DLG2: variants seen among roughly 807,000 people sequenced by gnomAD.
DLG2 encodes discs large MAGUK scaffold protein 2, also known as disks large homolog 2.
Under a neutral mutation model 132.5 loss-of-function variants are expected in DLG2, and 45 were observed. The ratio of observed to expected loss-of-function variants is 0.34; its 90% confidence interval spans 0.27 to 0.44. DLG2 has a LOEUF of 0.44. DLG2 is among the 20% of genes least tolerant of loss of function. The pLI, the probability that DLG2 is intolerant of heterozygous loss-of-function variation, is 1.00. For synonymous variants in DLG2, 424 were observed against 419.6 expected (o/e 1.01, Z -0.13); for missense variants, 1,045 against 1,196.9 (o/e 0.87, Z 1.87).
chr11:83,864,873 A>G (rs188914067), intron 16 of DLG2, among the ~76,000 whole-genome samples: 1 of 152,274 alleles, frequency 6.6e-6, no homozygotes, highest in East Asian at 1.9e-4. Flanking sequence ...GATGAGTAAT[A>G]TAATGAAGGC....
intron 18 of DLG2, among the ~76,000 whole-genome samples, chr11:83,760,923 AC>A (rs2093879084): frequency 6.6e-6 from 1 of 152,104 alleles, no homozygotes; most frequent in African/African-American, 2.4e-5. Flanking sequence ...CTTATTTAAC[AC>A]CCTTTGAATG....
At chr11:83,997,950 G>C (rs1023665895) in intron 11 of DLG2, among the ~76,000 whole-genome samples, 2 of 151,350 alleles carry the variant, frequency 1.3e-5, no homozygotes, top group East Asian at 3.9e-4. Flanking sequence ...TGGCCAACAT[G>C]GTGAAACCCT....
At chr11:84,558,883 G>T (rs767383051) in intron 6 of DLG2, among the ~76,000 whole-genome samples, 6 of 152,096 alleles carry the variant, frequency 3.9e-5, no homozygotes, top group African/African-American at 7.2e-5. Flanking sequence ...CTCTTCCAAA[G>T]ACTTCAGGGT....
At chr11:85,551,266 T>G (rs2076648401) in intron 3 of DLG2, among the ~76,000 whole-genome samples, 2 of 152,154 alleles carry the variant, frequency 1.3e-5, no homozygotes. Context: ...AGCAGAATGG[T>G]TAAGCCATTA....
intron 7 of DLG2, among the ~76,000 whole-genome samples, chr11:84,421,646 A>C (rs2154465277): frequency 6.6e-6 from 1 of 152,292 alleles, no homozygotes; most frequent in East Asian, 1.9e-4. Context: ...CATCAGTGAC[A>C]CTGTTATTCC....
At chr11:84,033,052 G>C (rs1355823799) in intron 11 of DLG2, among the ~76,000 whole-genome samples, 1 of 152,180 alleles carries the variant, frequency 6.6e-6, no homozygotes, top group African/African-American at 2.4e-5. Context: ...CTCTTATGCA[G>C]ATGTGCAAAA....
At chr11:84,031,634 G>A (rs1030684146) in intron 11 of DLG2, among the ~76,000 whole-genome samples, 1 of 152,154 alleles carries the variant, frequency 6.6e-6, no homozygotes, top group Non-Finnish European at 1.5e-5. Flanking sequence ...GAATGGCAAC[G>A]ATCTAAACAT....
chr11:84,348,396 C>A (rs1022119201), intron 7 of DLG2, among the ~76,000 whole-genome samples: 2 of 152,134 alleles, frequency 1.3e-5, no homozygotes, highest in Admixed American at 6.5e-5. Context: ...TATTTGCTTT[C>A]AAGTCTATGT....
chr11:85,583,599 A>G (rs1379154571), intron 3 of DLG2, among the ~76,000 whole-genome samples: 1 of 152,192 alleles, frequency 6.6e-6, no homozygotes, highest in Non-Finnish European at 1.5e-5. Flanking sequence ...CTGATGTAAA[A>G]GTGAAATGTT....
chr11:84,966,256 A>C (rs1474229661), intron 6 of DLG2, among the ~76,000 whole-genome samples: 3 of 152,000 alleles, frequency 2.0e-5, no homozygotes, highest in African/African-American at 7.2e-5. Flanking sequence ...CAGTGTGTGC[A>C]TTACCAACAT....
At chr11:83,831,067 C>T (rs565947922) in intron 17 of DLG2, among the ~76,000 whole-genome samples, 3 of 152,210 alleles carry the variant, frequency 2.0e-5, no homozygotes, top group South Asian at 2.1e-4. Flanking sequence ...CTTTTTCATT[C>T]GATAAACACT....
At chr11:85,475,045 AATAAG>A (rs957553860) in intron 3 of DLG2, among the ~76,000 whole-genome samples, 2 of 151,710 alleles carry the variant, frequency 1.3e-5, no homozygotes, top group African/African-American at 4.8e-5. Context: ...TTTAAAGACT[AATAAG>A]ATAAGCCTCT....
chr11:84,412,073 C>A (rs936456510), intron 7 of DLG2, among the ~76,000 whole-genome samples: 1 of 149,614 alleles, frequency 6.7e-6, no homozygotes, highest in African/African-American at 2.5e-5. Flanking sequence ...ATCTTTAGCA[C>A]CCTATAGCTG....
chr11:83,898,006 T>A (rs1192901172), intron 15 of DLG2, among the ~76,000 whole-genome samples: 1 of 152,126 alleles, frequency 6.6e-6, no homozygotes, highest in Non-Finnish European at 1.5e-5. Context: ...GGATTGCCCC[T>A]TAGTCTGTTA....
chr11:83,501,850 C>G (rs1467799030), intron 21 of DLG2, among the ~76,000 whole-genome samples: 1 of 152,160 alleles, frequency 6.6e-6, no homozygotes, highest in African/African-American at 2.4e-5. Context: ...CTCTGACTAT[C>G]CTGATCCTTT....
intron 17 of DLG2, among the ~76,000 whole-genome samples, chr11:83,830,421 T>C (rs1595076689): frequency 1.3e-5 from 2 of 152,230 alleles, no homozygotes; most frequent in South Asian, 2.1e-4. Flanking sequence ...ATAAAGCCTA[T>C]GGCTTGGTGG....
At chr11:85,072,900 G>A (rs1022762014) in intron 6 of DLG2, among the ~76,000 whole-genome samples, 1 of 151,680 alleles carries the variant, frequency 6.6e-6, no homozygotes, top group African/African-American at 2.4e-5. Flanking sequence ...TTTGGATGAT[G>A]GGTCAAAAAG....
intron 5 of DLG2, chr11:85,133,144 A>T: frequency 1.0e-5 from 2 of 190,614 alleles, no homozygotes; most frequent in Non-Finnish European, 2.3e-5. Context: ...GTGTAACACC[A>T]AGCACCAGGG....
intron 6 of DLG2, among the ~76,000 whole-genome samples, chr11:84,625,228 C>T (rs1439935286): frequency 6.6e-6 from 1 of 152,048 alleles, no homozygotes; most frequent in Admixed American, 6.5e-5. Context: ...TAAAATTTCA[C>T]ATTACTCCCC....
Sources: gnomAD v4.1 joint callset for allele counts (sites outside exome capture counted in the v4.1 genomes callset) on GRCh38, gnomAD v4.1.1 for gene constraint, MANE v1.5 for transcripts, NCBI Gene and HGNC (gene_info 2026-07-23, HGNC 2026-07-21) for gene names.